DCHS2: variants seen among roughly 807,000 people sequenced by gnomAD.
DCHS2 encodes the protein protocadherin-23.
Under a neutral mutation model 182.4 loss-of-function variants are expected in DCHS2, and 142 were observed. The observed-to-expected ratio is 0.78, with a 90% CI of 0.68 to 0.89. The LOEUF is 0.89. DCHS2 is among the 40% of genes least tolerant of loss of function. The pLI, the probability that DCHS2 is intolerant of heterozygous loss-of-function variation, is 0.00. For missense variants in DCHS2, 4,319 were observed against 4,198.6 expected (o/e 1.03, Z -0.79); for synonymous variants, 1,740 against 1,663.3 (o/e 1.05, Z -1.12).
rs1289261727 is a variant in DCHS2 at position 154,490,413 on chromosome 4, C to A, written c.943G>T (p.Val315Phe). Reference protein sequence around the residue: ...VREDAQPGAEVCRVRATDRDL... With the variant: ...VREDAQPGAEFCRVRATDRDL... ...CGGTCGGTGGCGCGCACGCGACAGA[C>A]CTCGGCGCCCGGCTGGGCGTCCTCG... The change falls in exon 1 of 20, where the codon GTC becomes TTC. Residue 315 changes from valine (V) to phenylalanine (F), a missense_variant. Physicochemically the swap from Val to Phe is conservative, Grantham distance 50. Coordinates refer to ENST00000357232, the MANE Select transcript of DCHS2 (RefSeq NM_001358235.2). 6.5e-7 allele frequency: 1 copy of A among 1,533,622 alleles called. No homozygotes were observed. The highest frequency in any genetic ancestry group is 8.7e-7 in the Non-Finnish European group (1 of 1,144,914).
At chr4:154,331,493 A>T in intron 5 of DCHS2, 6 of 1,418,384 alleles carry the variant, frequency 4.2e-6, no homozygotes, top group Non-Finnish European at 4.8e-6. Context: ...GTCTCAGTTT[A>T]GGGAGTGAAT....
At position 154,391,135 on chromosome 4, in the gene DCHS2, T is replaced by C; in HGVS notation, c.2053-13691A>G. 3.1e-6 allele frequency: 5 copies of C among 1,589,044 alleles called. No individual in the cohort carries two copies. The South Asian group carries it at 5.6e-5, about 18-fold the overall frequency. On this transcript the variant is annotated intron_variant, in intron 1 of 19. Transcript: ENST00000357232. Reference sequence around the variant, plus strand: ...GCAGAAGGAACAGACTTATAAAAGCTGATACTTATTTTTAATTTTTGTTCT... The same window carrying C: ...GCAGAAGGAACAGACTTATAAAAGCCGATACTTATTTTTAATTTTTGTTCT...
At chr4:154,403,688 T>C (rs555214786) in intron 1 of DCHS2, among the ~76,000 whole-genome samples, 1 of 152,302 alleles carries the variant, frequency 6.6e-6, no homozygotes, top group South Asian at 2.1e-4. Context: ...CGTCGCCCTA[T>C]ATTTTCTGAG....
intron 10 of DCHS2, among the ~76,000 whole-genome samples, chr4:154,307,463 AC>A (rs1735491213): frequency 1.3e-5 from 2 of 152,064 alleles, no homozygotes. Context: ...ACACACACAC[AC>A]ATATCTACCT....
At position 154,259,807 on chromosome 4, in the gene DCHS2, T is replaced by C. The variant is rs1255031344; in HGVS notation, c.6578-51A>G. On this transcript the variant is annotated intron_variant, in intron 14 of 19. Coordinates refer to ENST00000357232, the MANE Select transcript of DCHS2 (RefSeq NM_001358235.2). ...AAAGAAAATGATGTTGTAGTTATTCTTTTATTTTTTATTTTATTTATTTAT... is the reference window on the plus strand; with the variant it reads ...AAAGAAAATGATGTTGTAGTTATTCCTTTATTTTTTATTTTATTTATTTAT... 3 of 1,470,658 alleles carry C rather than the reference T, an allele frequency of 2.0e-6. No homozygotes were observed. The African/African-American group carries it at 4.3e-5, about 21-fold the overall frequency. The allele number at this position is 1,470,658 out of a possible 1,614,324, so 91.1% of individuals were successfully genotyped here.
chr4:154,463,637 T>C (rs72969979), intron 1 of DCHS2, among the ~76,000 whole-genome samples: 25 of 152,036 alleles, frequency 1.6e-4, no homozygotes, highest in Middle Eastern at 3.4e-3. Context: ...TTAGTACAAA[T>C]AGTACAGGCA....
At position 154,236,455 on chromosome 4, in the gene DCHS2, T is replaced by G; in HGVS notation, c.8197A>C (p.Met2733Leu). 2 of 1,614,010 alleles carry G rather than the reference T, an allele frequency of 1.2e-6. No homozygotes were observed. The highest frequency in any genetic ancestry group is 1.1e-5 in the South Asian group (1 of 91,074). The change falls in exon 20 of 20, where the codon ATG (methionine) becomes CTG (leucine). Residue 2733 changes from methionine (M) to leucine (L), a missense_variant. Transcript: ENST00000357232. Reference sequence around the variant, plus strand: ...TGGACAGTTAAGGTGAATTTTGTCATTTTTTCATAATCCAGAGGTTTAATC... The same window carrying G: ...TGGACAGTTAAGGTGAATTTTGTCAGTTTTTCATAATCCAGAGGTTTAATC... ...YLIKPLDYEK[M>L]TKFTLTVQAS... is the part of the protein sequence containing the mutation.
chr4:154,331,479 A>G, intron 5 of DCHS2: 2 of 1,302,544 alleles, frequency 1.5e-6, no homozygotes, highest in Non-Finnish European at 2.1e-6. Context: ...CCCTTGCAGC[A>G]GGAGTCTCAG....
At chr4:154,375,278 G>C (rs1181358240) in intron 2 of DCHS2, among the ~76,000 whole-genome samples, 1 of 151,814 alleles carries the variant, frequency 6.6e-6, no homozygotes, top group East Asian at 1.9e-4. Flanking sequence ...TTTCTTAAAA[G>C]AACACAAAAA....
intron 1 of DCHS2, among the ~76,000 whole-genome samples, chr4:154,460,952 G>A (rs1214153645): frequency 6.6e-6 from 1 of 152,106 alleles, no homozygotes; most frequent in African/African-American, 2.4e-5. Flanking sequence ...TTGAATCACT[G>A]TATGCCATTG....
At chr4:154,356,169 G>A (rs1417229715) in intron 3 of DCHS2, among the ~76,000 whole-genome samples, 2 of 151,872 alleles carry the variant, frequency 1.3e-5, no homozygotes, top group African/African-American at 4.8e-5. Context: ...ACCCTGTGTA[G>A]GCCTAGGCTA....
chr4:154,384,491 G>C (rs1283164035), intron 1 of DCHS2: 1 of 1,566,384 alleles, frequency 6.4e-7, no homozygotes, highest in Non-Finnish European at 8.7e-7. Context: ...ACTGAATGCT[G>C]GCCTCCAAAA....
chr4:154,396,563 C>T (rs1731936920), intron 1 of DCHS2, among the ~76,000 whole-genome samples: 3 of 152,006 alleles, frequency 2.0e-5, no homozygotes, highest in Admixed American at 2.0e-4. Flanking sequence ...TTATTGAGCT[C>T]CCAATGCCAA....
At chr4:154,418,019 G>A (rs1355779448) in intron 1 of DCHS2, among the ~76,000 whole-genome samples, 1 of 152,120 alleles carries the variant, frequency 6.6e-6, no homozygotes, top group Non-Finnish European at 1.5e-5. Flanking sequence ...TAGGAAAAAT[G>A]ACCTACCCAT....
chr4:154,253,591 T>C (rs982232013), intron 16 of DCHS2, among the ~76,000 whole-genome samples: 2 of 152,176 alleles, frequency 1.3e-5, no homozygotes, highest in Non-Finnish European at 2.9e-5. Context: ...ACAATTACTA[T>C]AGAAACAATG....
At chr4:154,320,277 C>A (rs778763789) in intron 9 of DCHS2, 102 bp downstream of exon 9, 82 of 1,488,306 alleles carry the variant, frequency 5.5e-5, no homozygotes, top group Non-Finnish European at 6.7e-5. Context: ...CAGTCAACAA[C>A]AATGTATTGT....
intron 1 of DCHS2, among the ~76,000 whole-genome samples, chr4:154,384,759 A>G (rs1731326497): frequency 6.6e-6 from 1 of 152,050 alleles, no homozygotes; most frequent in South Asian, 2.1e-4. Context: ...GCCACAAGTC[A>G]AGGAACACCG....
intron 3 of DCHS2, among the ~76,000 whole-genome samples, chr4:154,362,832 A>G (rs1730187919): frequency 6.6e-6 from 1 of 152,134 alleles, no homozygotes; most frequent in Non-Finnish European, 1.5e-5. Context: ...TCTCTTCTTG[A>G]TGATTTCCTT....
intron 16 of DCHS2, among the ~76,000 whole-genome samples, chr4:154,249,969 G>A (rs1342572593): frequency 2.0e-5 from 3 of 151,826 alleles, no homozygotes; most frequent in African/African-American, 7.3e-5. Context: ...ACACACCTAT[G>A]TAACAAACCT....
Sources: allele counts gnomAD v4.1 joint callset (sites outside exome capture counted in the v4.1 genomes callset), GRCh38; gene constraint gnomAD v4.1.1; transcripts MANE v1.5; gene names NCBI Gene and HGNC (gene_info 2026-07-23, HGNC 2026-07-21).